ALKBH3: variants seen among roughly 807,000 people sequenced by gnomAD.
The protein encoded by ALKBH3 is alkB homolog 3, alpha-ketoglutarate dependent dioxygenase, also known as alpha-ketoglutarate-dependent dioxygenase alkB homolog 3.
ALKBH3 carries 51 observed loss-of-function variants against 43.9 expected under a neutral mutation model. That is an observed-to-expected ratio of 1.16 (90% CI 0.93 to 1.47). ALKBH3 has a LOEUF of 1.47. Ranked by LOEUF, ALKBH3 falls within the 40% of genes most tolerant of loss-of-function variation. ALKBH3 has a pLI of 0.00. For missense variants in ALKBH3, 361 were observed against 351.9 expected, an observed-to-expected ratio of 1.03 and a Z score of -0.21; for synonymous variants, 102 against 115.2, an observed-to-expected ratio of 0.89 and a Z score of 0.73.
chr11:43,918,837 C>A, intron 8 of ALKBH3: 1 of 532,200 alleles, frequency 1.9e-6, no homozygotes, highest in South Asian at 2.8e-5. Flanking sequence ...TCATCCTCCC[C>A]ATTTTACAAA....
At chr11:43,892,006 T>C in intron 6 of ALKBH3, 35 bp from the exon 7 acceptor site, 2 of 1,533,594 alleles carry the variant, frequency 1.3e-6, no homozygotes, top group Middle Eastern at 1.7e-4. Flanking sequence ...TAAATAGCAT[T>C]AAACCATTTC....
intron 8 of ALKBH3, among the ~76,000 whole-genome samples, chr11:43,903,040 T>G (rs934035408): frequency 1.3e-5 from 2 of 152,256 alleles, no homozygotes; most frequent in African/African-American, 4.8e-5. Context: ...GCATGGTATT[T>G]TTAAAGCATA....
Position 43,880,844 on chromosome 11 carries a change from C to G in ALKBH3, c.-406C>G, listed in dbSNP as rs996594237. On this transcript the variant is annotated 5_prime_UTR_variant, in exon 1 of 10. Coordinates refer to ENST00000302708, the MANE Select transcript of ALKBH3 (RefSeq NM_139178.4). ...AGTCGGTGCTTCACTCTTAAGGTTCCGATCACAGACTGCGGAGTGGGTCAG... is the reference window on the plus strand; with the variant it reads ...AGTCGGTGCTTCACTCTTAAGGTTCGGATCACAGACTGCGGAGTGGGTCAG... 6.6e-6 allele frequency: 1 copy of G among 152,194 alleles called. No homozygotes were observed. Among genetic ancestry groups the G allele is most frequent in the Non-Finnish European group, 1.5e-5 (1 of 68,050 alleles). 9.4% of individuals were successfully genotyped at this position (152,194 alleles called of 1,614,324 possible).
chr11:43,882,979 A>C (rs1951722116), intron 2 of ALKBH3, 106 bp from the exon 3 acceptor site: 3 of 928,622 alleles, frequency 3.2e-6, no homozygotes, highest in South Asian at 3.2e-5. Flanking sequence ...TAGTTTCTAC[A>C]TGTCATAGAG....
chr11:43,897,627 C>T (rs765220294), intron 7 of ALKBH3: 27 of 885,438 alleles, frequency 3.0e-5, no homozygotes, highest in Admixed American at 1.2e-4. Flanking sequence ...CATTGAAAGG[C>T]GCTGCAAGCT....
At chr11:43,882,084 C>A (rs1033856135) in intron 1 of ALKBH3, among the ~76,000 whole-genome samples, 1 of 152,186 alleles carries the variant, frequency 6.6e-6, no homozygotes, top group Admixed American at 6.5e-5. Context: ...TCAAATCTTA[C>A]ACTGCTTGTT....
At chr11:43,890,520 G>A (rs1951776266) in intron 6 of ALKBH3, among the ~76,000 whole-genome samples, 1 of 152,092 alleles carries the variant, frequency 6.6e-6, no homozygotes, top group African/African-American at 2.4e-5. Flanking sequence ...ATCCACAGGG[G>A]ATTGTTCCCT....
At chr11:43,900,306 C>T (rs1313594417) in intron 7 of ALKBH3, among the ~76,000 whole-genome samples, 2 of 143,302 alleles carry the variant, frequency 1.4e-5, no homozygotes, top group Admixed American at 7.4e-5. Context: ...TCACTGCAGC[C>T]TCCGCCTCCC....
intron 3 of ALKBH3, among the ~76,000 whole-genome samples, chr11:43,883,690 A>G (rs2271819): frequency 0.18 from 27,326 of 152,092 alleles, 2,804 homozygotes; most frequent in South Asian, 0.33. Context: ...AAAACTCCTT[A>G]TTTTATAGCA....
At chr11:43,895,025 A>G (rs1160642213) in intron 7 of ALKBH3, among the ~76,000 whole-genome samples, 1 of 152,216 alleles carries the variant, frequency 6.6e-6, no homozygotes, top group Non-Finnish European at 1.5e-5. Flanking sequence ...ATATAATATT[A>G]TAATGTAGTA....
rs1951706875 is a variant in ALKBH3, at chr11:43,880,978, GAGTACCAC to G, written c.-271_-264del. Reference sequence around the variant, plus strand: ...GCTGGGTGCGCGGGGCTGGGGGTGCGAGTACCACCCCTGAAGTCTCTTCCTGGGCGACC... The same window carrying G: ...GCTGGGTGCGCGGGGCTGGGGGTGCGCCCTGAAGTCTCTTCCTGGGCGACC... On this transcript the variant is annotated 5_prime_UTR_variant, in exon 1 of 10. Transcript: ENST00000302708. The G allele has an allele frequency of 6.6e-6, 1 of 152,348 alleles. No homozygotes were observed. The highest frequency in any genetic ancestry group is 2.4e-5 in the African/African-American group (1 of 41,460). The allele number at this position is 152,348 out of a possible 1,614,324, so 9.4% of individuals were successfully genotyped here.
intron 8 of ALKBH3, among the ~76,000 whole-genome samples, chr11:43,908,383 T>C (rs1246644077): frequency 8.5e-5 from 13 of 152,206 alleles, no homozygotes. Flanking sequence ...GGAATGAGTG[T>C]TCTGGTATTA....
intron 8 of ALKBH3, among the ~76,000 whole-genome samples, chr11:43,907,030 G>A (rs867370678): frequency 9.2e-5 from 14 of 152,324 alleles, no homozygotes; most frequent in African/African-American, 3.4e-4. Flanking sequence ...AAAGGAAATA[G>A]CAATGAAACT....
chr11:43,898,759 C>T, intron 7 of ALKBH3: 1 of 739,898 alleles, frequency 1.4e-6, no homozygotes. Context: ...ATTTCCTGTG[C>T]TCTGGACGCT....
At chr11:43,898,496 G>C (rs778176786) in intron 7 of ALKBH3, 4 of 945,116 alleles carry the variant, frequency 4.2e-6, no homozygotes, top group Non-Finnish European at 6.9e-6. Context: ...GGCTTGGTGA[G>C]AGCACTCGGG....
intron 6 of ALKBH3, among the ~76,000 whole-genome samples, chr11:43,890,282 C>A (rs1432796928): frequency 6.6e-6 from 1 of 152,148 alleles, no homozygotes; most frequent in Non-Finnish European, 1.5e-5. Flanking sequence ...AGTCCAGTCT[C>A]CTCTAGCTTC....
intron 8 of ALKBH3, among the ~76,000 whole-genome samples, chr11:43,905,743 A>C (rs1951892011): frequency 6.6e-6 from 1 of 152,178 alleles, no homozygotes. Context: ...GGCTGGCATT[A>C]TTAAAGGTTT....
chr11:43,908,196 G>T (rs1420066117), intron 8 of ALKBH3, among the ~76,000 whole-genome samples: 1 of 152,208 alleles, frequency 6.6e-6, no homozygotes, highest in African/African-American at 2.4e-5. Flanking sequence ...TCCAGAGATA[G>T]CCAGATTTCA....
Position 43,884,008 on chromosome 11 carries a change from G to A in ALKBH3, c.209G>A (p.Arg70Gln), listed in dbSNP as rs762849148. The A allele has an allele frequency of 1.3e-5, 21 of 1,613,766 alleles. No individual in the cohort carries two copies. Among genetic ancestry groups the A allele is most frequent in the Non-Finnish European group, 1.7e-5 (20 of 1,179,888 alleles). ...GTAGTACGTAGAGCTCCTGAGCCACGAGTGATTGAGTAAGTAATTTGCTGT... is the reference window on the plus strand; with the variant it reads ...GTAGTACGTAGAGCTCCTGAGCCACAAGTGATTGAGTAAGTAATTTGCTGT... ...QQVVRRAPEP[R>Q]VIDREGVYEI... Residue 70 changes from arginine (R) to glutamine (Q), a missense_variant, in exon 4 of 10, where the codon CGA becomes CAA. Physicochemically the swap from Arg to Gln is conservative, Grantham distance 43. Transcript: ENST00000302708.
Sources: gnomAD v4.1 joint callset for allele counts (sites outside exome capture counted in the v4.1 genomes callset) on GRCh38, gnomAD v4.1.1 for gene constraint, MANE v1.5 for transcripts, NCBI Gene and HGNC (gene_info 2026-07-23, HGNC 2026-07-21) for gene names.